Variants in PAPPA2 observed in about 807,000 individuals in gnomAD.
The protein encoded by PAPPA2 is pappalysin 2, also known as pappalysin-2.
In PAPPA2, 86 loss-of-function variants were observed where a neutral mutation model predicts 176.4. The observed-to-expected ratio is 0.49, with a 90% CI of 0.41 to 0.58. The LOEUF (loss-of-function observed/expected upper bound fraction) is 0.58, where lower values mean the gene tolerates loss of function less well. PAPPA2 is among the 20% of genes least tolerant of loss of function. PAPPA2 has a pLI of 0.00. For synonymous variants in PAPPA2, 809 were observed against 852.2 expected (o/e 0.95, Z 0.88); for missense variants, 2,073 against 2,256.9 (o/e 0.92, Z 1.65).
At chr1:176,635,434 T>A (rs1485281266) in intron 3 of PAPPA2, among the ~76,000 whole-genome samples, 1 of 152,194 alleles carries the variant, frequency 6.6e-6, no homozygotes, top group African/African-American at 2.4e-5. Flanking sequence ...ACATTCAGGG[T>A]ACCACAGTGA....
intron 3 of PAPPA2, among the ~76,000 whole-genome samples, chr1:176,632,672 G>A (rs897288454): frequency 6.6e-6 from 1 of 152,178 alleles, no homozygotes; most frequent in Non-Finnish European, 1.5e-5. Flanking sequence ...CTCTCCAAGG[G>A]AATAAACAGA....
intron 3 of PAPPA2, among the ~76,000 whole-genome samples, chr1:176,633,777 G>A (rs1362232901): frequency 1.3e-5 from 2 of 152,128 alleles, no homozygotes; most frequent in Non-Finnish European, 2.9e-5. Flanking sequence ...CAAAAAGTGG[G>A]CAAAGGATAT....
At position 176,844,593 on chromosome 1, in the gene PAPPA2, A is replaced by G. The variant is rs1667598548; in HGVS notation, c.*2139A>G. ...TCTTGGGTCATGCTTAGTGCCCCCA[A>G]GAAGACAAACATATTTATTCTTGGG... On this transcript the variant is annotated 3_prime_UTR_variant, in exon 23 of 23. Transcript: ENST00000367662. 1 of 152,192 alleles carries G rather than the reference A, an allele frequency of 6.6e-6. No individual in the cohort carries two copies. Among genetic ancestry groups the G allele is most frequent in the African/African-American group, 2.4e-5 (1 of 41,454 alleles). The allele number at this position is 152,192 out of a possible 1,614,324, so 9.4% of individuals were successfully genotyped here.
At chr1:176,765,886 G>A (rs765543045) in intron 15 of PAPPA2, 49 bp downstream of exon 15, 2 of 1,594,632 alleles carry the variant, frequency 1.3e-6, no homozygotes, top group South Asian at 1.1e-5. Context: ...GGGAAGGGGA[G>A]GTATTCACAC....
intron 3 of PAPPA2, among the ~76,000 whole-genome samples, chr1:176,659,870 C>T (rs1658260010): frequency 6.6e-6 from 1 of 151,940 alleles, no homozygotes; most frequent in Non-Finnish European, 1.5e-5. Context: ...TTTGATAAGG[C>T]TCTCTATATA....
intron 20 of PAPPA2, among the ~76,000 whole-genome samples, chr1:176,799,625 CTG>C (rs1476999984): frequency 6.6e-6 from 1 of 152,200 alleles, no homozygotes; most frequent in Non-Finnish European, 1.5e-5. Flanking sequence ...ATCTGTAAAA[CTG>C]TATTTGTCGA....
At chr1:176,800,269 G>A in intron 21 of PAPPA2, 137 bp downstream of exon 21, 1 of 785,744 alleles carries the variant, frequency 1.3e-6, no homozygotes, top group Non-Finnish European at 1.9e-6. Flanking sequence ...AAATTAAGTT[G>A]GTTCCACGAT....
chr1:176,630,070 C>A, intron 3 of PAPPA2, among the ~76,000 whole-genome samples: 1 of 152,068 alleles, frequency 6.6e-6, no homozygotes. Context: ...AACAAACAAA[C>A]AAACAAATCA....
intron 4 of PAPPA2, among the ~76,000 whole-genome samples, chr1:176,679,664 G>A (rs1161052026): frequency 6.6e-6 from 1 of 152,168 alleles, no homozygotes; most frequent in South Asian, 2.1e-4. Flanking sequence ...CTGCAAGGAA[G>A]GCTGGTGCAA....
Position 176,463,701 on chromosome 1 carries a change from G to A in PAPPA2, c.-917+283G>A, listed in dbSNP as rs187414190. 4.5e-4 allele frequency among the ~76,000 whole-genome samples: 69 copies of A among 152,288 alleles called. 1 individual carries two copies. The highest frequency in any genetic ancestry group is 1.5e-3 in the African/African-American group (64 of 41,576). ...CTTTGATAAGTGACAACCTTTGGCT[G>A]CCTGGTCTTCTTTTAGGCTGCAACT... is the stretch of plus-strand genomic sequence containing the variant. On this transcript the variant is annotated intron_variant, in intron 1 of 22. Coordinates refer to ENST00000367662, the MANE Select transcript of PAPPA2 (RefSeq NM_020318.3).
At chr1:176,696,468 G>A (rs999753328) in intron 7 of PAPPA2, among the ~76,000 whole-genome samples, 3 of 152,162 alleles carry the variant, frequency 2.0e-5, no homozygotes, top group African/African-American at 7.2e-5. Context: ...ATCTGAGCTA[G>A]GCTCCAGGAA....
intron 20 of PAPPA2, among the ~76,000 whole-genome samples, chr1:176,798,336 A>G (rs575768915): frequency 1.3e-5 from 2 of 152,308 alleles, no homozygotes; most frequent in East Asian, 3.9e-4. Flanking sequence ...ATGGATTTTC[A>G]GATCCCCTTG....
chr1:176,505,090 G>T lies in PAPPA2; in HGVS notation c.-917+41672G>T, dbSNP rs1572978435. 2.0e-5 allele frequency among the ~76,000 whole-genome samples: 3 copies of T among 152,186 alleles called. No individual in the cohort carries two copies. In the South Asian group the frequency reaches 6.2e-4, roughly 32 times the overall value. On this transcript the variant is annotated intron_variant, in intron 1 of 22. Transcript: ENST00000367662. Reference sequence around the variant, plus strand: ...AAAACAGTTTTTCCTGTTGTGAAATGGCTTTCTAGTGGCCTTGTCTTTCCT... The same window carrying T: ...AAAACAGTTTTTCCTGTTGTGAAATTGCTTTCTAGTGGCCTTGTCTTTCCT...
intron 1 of PAPPA2, among the ~76,000 whole-genome samples, chr1:176,516,397 G>A (rs1438938974): frequency 2.6e-5 from 4 of 150,994 alleles, no homozygotes; most frequent in Non-Finnish European, 5.9e-5. Context: ...TCCTTTTTAA[G>A]GCAAAACAGT....
rs1343952992 is a variant in PAPPA2 at position 176,791,428 on chromosome 1, C to A, written c.4966C>A (p.Pro1656Thr). Residue 1656 changes from proline to threonine, a missense_variant, in exon 19 of 23, where the codon CCC (proline) becomes ACC (threonine). Transcript: ENST00000367662. ...CENLQGECPP[P>T]PSELNSVEYK... is the part of the protein sequence containing the mutation. The stretch of plus-strand genomic sequence containing the variant: ...GAATCTGCAAGGAGAATGCCCACCA[C>A]CCCCCTCAGAGCTGAATTCTGTGGA... The A allele has an allele frequency of 1.9e-6, 3 of 1,613,338 alleles. No homozygotes were observed. The highest frequency in any genetic ancestry group is 2.2e-5 in the East Asian group (1 of 44,854).
At chr1:176,823,473 C>T (rs1156266597) in intron 21 of PAPPA2, among the ~76,000 whole-genome samples, 8 of 152,068 alleles carry the variant, frequency 5.3e-5, no homozygotes, top group Admixed American at 5.2e-4. Flanking sequence ...CCAATGAGGG[C>T]TTATAAATAG....
chr1:176,651,989 A>T (rs1055546094), intron 3 of PAPPA2, among the ~76,000 whole-genome samples: 37 of 151,632 alleles, frequency 2.4e-4, no homozygotes, highest in Non-Finnish European at 4.1e-4. Flanking sequence ...CTGTTTTTTT[A>T]AAAAACTATT....
chr1:176,632,545 A>G (rs1458105135), intron 3 of PAPPA2, among the ~76,000 whole-genome samples: 2 of 152,150 alleles, frequency 1.3e-5, no homozygotes, highest in Non-Finnish European at 2.9e-5. Context: ...AATAAAAAAT[A>G]AAAAAGAAAG....
intron 4 of PAPPA2, among the ~76,000 whole-genome samples, chr1:176,677,778 T>A (rs1027148172): frequency 2.0e-5 from 3 of 152,102 alleles, no homozygotes; most frequent in African/African-American, 7.2e-5. Context: ...ATACTCATTG[T>A]CATTGATTCA....
Sources: gnomAD v4.1 joint callset for allele counts (sites outside exome capture counted in the v4.1 genomes callset) on GRCh38, gnomAD v4.1.1 for gene constraint, MANE v1.5 for transcripts, NCBI Gene and HGNC (gene_info 2026-07-23, HGNC 2026-07-21) for gene names.